The following APOBR variants were observed in gnomAD, a reference collection of about 807,000 sequenced individuals.
The protein encoded by APOBR is apoB-48R.
A neutral mutation model predicts 88.5 loss-of-function variants in APOBR; 57 were observed. The ratio of observed to expected loss-of-function variants is 0.64; its 90% CI spans 0.52 to 0.80. The LOEUF (loss-of-function observed/expected upper bound fraction) is 0.80, where lower values mean the gene tolerates loss of function less well. APOBR is among the 30% of genes least tolerant of loss of function. The pLI is 0.00. For synonymous variants in APOBR, 588 were observed against 572.7 expected (o/e 1.03, Z -0.38); for missense variants, 1,443 against 1,401.6 (o/e 1.03, Z -0.47).
chr16:28,498,515 G>C lies in APOBR; in HGVS notation c.*10G>C. On this transcript the variant is annotated 3_prime_UTR_variant, in exon 4 of 4. Transcript: ENST00000564831. ...GCCTAAGCCCCAGTGACTGAGACCC[G>C]GTGCTCTGGGAGCCAGGCCCTGAGT... The C allele has an allele frequency of 1.9e-6, 3 of 1,583,872 alleles. No individual in the cohort carries two copies. Among genetic ancestry groups the C allele is most frequent in the South Asian group, 2.3e-5 (2 of 86,712 alleles).
At position 28,498,415 on chromosome 16, in the gene APOBR, G is replaced by C. The variant is rs750729706; in HGVS notation, c.3225-21G>C. 1.9e-6 allele frequency: 3 copies of C among 1,599,380 alleles called. No individual in the cohort carries two copies. The East Asian group carries it at 6.8e-5, about 36-fold the overall frequency. ...CGGGCACCTGGGAACCTGTTCTCAC[G>C]GGCCTGACTTCCGCCTCCAGGTTTG... is the stretch of plus-strand genomic sequence containing the variant. On this transcript the variant is annotated intron_variant, in intron 3 of 3. Coordinates refer to ENST00000564831, the MANE Select transcript of APOBR (RefSeq NM_018690.4).
In APOBR at chr16:28,497,820, G is replaced by C. The variant is rs768014858; in HGVS notation, c.2779G>C (p.Gly927Arg). ...LDAEGLMVTG[G>R]RRAEAKETEP... is the part of the protein sequence containing the mutation. Reference sequence around the variant, plus strand: ...TGCAGAGGGTCTCATGGTGACCGGGGGCCGGAGGGCAGAGGCCAAGGAGAC... The same window carrying C: ...TGCAGAGGGTCTCATGGTGACCGGGCGCCGGAGGGCAGAGGCCAAGGAGAC... The change falls in exon 2 of 4, where the codon GGC becomes CGC. Residue 927 changes from glycine (G) to arginine (R), a missense_variant. Transcript: ENST00000564831. 1.2e-6 allele frequency: 2 copies of C among 1,607,420 alleles called. No homozygotes were observed. Among genetic ancestry groups the C allele is most frequent in the Non-Finnish European group, 1.7e-6 (2 of 1,177,224 alleles).
At position 28,496,391 on chromosome 16, in the gene APOBR, G is replaced by A. The variant is rs1208349058; in HGVS notation, c.1350G>A (p.Val450=). 7 of 1,609,054 alleles carry A rather than the reference G, an allele frequency of 4.4e-6. No homozygotes were observed. The highest frequency in any genetic ancestry group is 5.9e-6 in the Non-Finnish European group (7 of 1,177,706). ...AESQTAGREA[V]GGQEAGESFE... ...GCCAGACCGCAGGGAGGGAAGCTGT[G>A]GGAGGCCAGGAGGCAGGGGAGAGCT... The change falls in exon 2 of 4, where the codon GTG becomes GTA. Residue 450 remains valine, a synonymous_variant. Transcript: ENST00000564831.
Position 28,497,099 on chromosome 16 carries a change from G to A in APOBR, c.2058G>A (p.Ala686=), listed in dbSNP as rs376612232. 2.6e-5 allele frequency: 42 copies of A among 1,601,312 alleles called. No individual in the cohort carries two copies. In the East Asian group the frequency reaches 3.1e-4, roughly 12 times the overall value. ...AGGEGLTTQD[A]GCGTEEGEAS... ...GGGAGGGGCTGACAACCCAGGACGC[G>A]GGATGTGGAACTGAGGAGGGAGAGG... is the stretch of plus-strand genomic sequence containing the variant. The change falls in exon 2 of 4, where the codon GCG becomes GCA. Residue 686 remains alanine (A), a synonymous_variant. Transcript: ENST00000564831.
rs905035735 is a variant in APOBR, at chr16:28,498,074, C to G, written c.2956-7C>G. ...CCCCATGGTCCTCTGTGCCCCCTTT[C>G]CTGCAGGCCCCGCTCCCCGGGTCCC... On this transcript the variant is annotated splice_polypyrimidine_tract_variant and splice_region_variant and intron_variant, in intron 2 of 3. Transcript: ENST00000564831. 1 of 1,543,016 alleles carries G rather than the reference C, an allele frequency of 6.5e-7. No homozygotes were observed. Among genetic ancestry groups the G allele is most frequent in the Non-Finnish European group, 8.7e-7 (1 of 1,150,934 alleles).
At position 28,498,872 on chromosome 16, in the gene APOBR, C is replaced by A; in HGVS notation, c.*367C>A. 1 of 568,562 alleles carries A rather than the reference C, an allele frequency of 1.8e-6. No homozygotes were observed. Among genetic ancestry groups the A allele is most frequent in the Non-Finnish European group, 3.3e-6 (1 of 304,796 alleles). 35.2% of individuals were successfully genotyped at this position (568,562 alleles called of 1,614,324 possible). On this transcript the variant is annotated 3_prime_UTR_variant, in exon 4 of 4. Transcript: ENST00000564831. ...CCAAGGTGGGAGGATCGCTTGAGAC[C>A]AGGAGTTCGAGACCAGCCTGGGCAG...
rs1256363562 is a variant in APOBR, at chr16:28,498,159, C to T, written c.3034C>T (p.Arg1012Cys). 7 of 1,600,572 alleles carry T rather than the reference C, an allele frequency of 4.4e-6. No individual in the cohort carries two copies. Among genetic ancestry groups the T allele is most frequent in the Middle Eastern group, 1.7e-4 (1 of 6,054 alleles). ...VHLSRSSSQR[R>C]SRPSFRRTPA... is the part of the protein sequence containing the mutation. ...CCTCTCGAGAAGCTCCTCACAGCGTCGCTCCCGGCCCTCTTTTCGTCGGAC... is the reference window on the plus strand; with the variant it reads ...CCTCTCGAGAAGCTCCTCACAGCGTTGCTCCCGGCCCTCTTTTCGTCGGAC... Residue 1012 changes from arginine (R) to cysteine (C), a missense_variant, in exon 3 of 4, where the codon CGC (arginine) becomes TGC (cysteine). Arg to Cys is a radical substitution (Grantham distance 180). Transcript: ENST00000564831.
In APOBR at chr16:28,497,249, C is replaced by A; in HGVS notation, c.2208C>A (p.Ser736=). The change falls in exon 2 of 4, where the codon TCC becomes TCA. Residue 736 remains serine, a synonymous_variant. Coordinates refer to ENST00000564831, the MANE Select transcript of APOBR (RefSeq NM_018690.4). Reference sequence around the variant, plus strand: ...AGGAGGCGGAGGCTGACAGAACATCCAGAAGAGGCTGGAGGCTGCAAGCGG... The same window carrying A: ...AGGAGGCGGAGGCTGACAGAACATCAAGAAGAGGCTGGAGGCTGCAAGCGG... ...EDEEAEADRT[S]RRGWRLQAVA... is the part of the protein sequence containing the mutation. 1 of 1,591,564 alleles carries A rather than the reference C, an allele frequency of 6.3e-7. No homozygotes were observed.
rs2046407906 is a variant in APOBR at position 28,498,087 on chromosome 16, C to T, written c.2962C>T (p.Leu988Phe). 2.6e-6 allele frequency: 4 copies of T among 1,547,886 alleles called. No individual in the cohort carries two copies. The highest frequency in any genetic ancestry group is 3.5e-6 in the Non-Finnish European group (4 of 1,152,970). ...TGTGCCCCCTTTCCTGCAGGCCCCGCTCCCCGGGTCCCTCCTAGACGTCTC... is the reference window on the plus strand; with the variant it reads ...TGTGCCCCCTTTCCTGCAGGCCCCGTTCCCCGGGTCCCTCCTAGACGTCTC... ...GAANSWSEAPLPGSLLDVSVP... is the reference protein window; with the variant it reads ...GAANSWSEAPFPGSLLDVSVP... Residue 988 changes from leucine to phenylalanine, a missense_variant, in exon 3 of 4, where the codon CTC becomes TTC. Transcript: ENST00000564831.
chr16:28,496,657 C>A lies in APOBR; in HGVS notation c.1616C>A (p.Ala539Glu). 1 of 1,601,904 alleles carries A rather than the reference C, an allele frequency of 6.2e-7. No individual in the cohort carries two copies. ...GAGCTCACAGGGGAGGAGAGTGAGG[C>A]GGCCCAGACTAGCTGTGGCCTACTG... ...EEELTGEESE[A>E]AQTSCGLLGV... Residue 539 changes from alanine (A) to glutamate (E), a missense_variant, in exon 2 of 4, where the codon GCG (alanine) becomes GAG (glutamate). Transcript: ENST00000564831.
Position 28,495,642 on chromosome 16 carries a change from A to C in APOBR, c.601A>C (p.Thr201Pro), listed in dbSNP as rs1206171682. 1.3e-6 allele frequency: 2 copies of C among 1,553,944 alleles called. No individual in the cohort carries two copies. The highest frequency in any genetic ancestry group is 1.7e-6 in the Non-Finnish European group (2 of 1,148,290). ...GMARGAESEW[T>P]WHGETEGKAG... ...GGCCAGAGGGGCGGAGTCAGAGTGG[A>C]CCTGGCATGGGGAGACGGAGGGGAA... The change falls in exon 2 of 4, where the codon ACC becomes CCC. Residue 201 changes from threonine (T) to proline (P), a missense_variant. Thr to Pro is a conservative substitution (Grantham distance 38). Transcript: ENST00000564831.
intron 2 of APOBR, 33 bp from the exon 3 acceptor site, chr16:28,498,048 G>A: frequency 6.5e-7 from 1 of 1,546,162 alleles, no homozygotes; most frequent in South Asian, 1.2e-5. Context: ...CCCGAAGCCG[G>A]CCCCATGGTC....
chr16:28,496,887 G>A lies in APOBR; in HGVS notation c.1846G>A (p.Ala616Thr). ...PRHAGSVKPE[A>T]SEAFPGAWEN... ...GCACGCGGGGTCTGTAAAGCCTGAGGCCTCCGAGGCCTTCCCAGGAGCCTG... is the reference window on the plus strand; with the variant it reads ...GCACGCGGGGTCTGTAAAGCCTGAGACCTCCGAGGCCTTCCCAGGAGCCTG... Residue 616 changes from alanine (A) to threonine (T), a missense_variant, in exon 2 of 4, where the codon GCC (alanine) becomes ACC (threonine). Transcript: ENST00000564831. 1 of 1,560,088 alleles carries A rather than the reference G, an allele frequency of 6.4e-7. No homozygotes were observed. The highest frequency in any genetic ancestry group is 8.7e-7 in the Non-Finnish European group (1 of 1,152,288).
chr16:28,496,888 C>A lies in APOBR; in HGVS notation c.1847C>A (p.Ala616Asp). The change falls in exon 2 of 4, where the codon GCC (alanine) becomes GAC (aspartate). Residue 616 changes from alanine (A) to aspartate (D), a missense_variant. Coordinates refer to ENST00000564831, the MANE Select transcript of APOBR (RefSeq NM_018690.4). ...CACGCGGGGTCTGTAAAGCCTGAGG[C>A]CTCCGAGGCCTTCCCAGGAGCCTGG... Reference protein sequence around the residue: ...PRHAGSVKPEASEAFPGAWEN... With the variant: ...PRHAGSVKPEDSEAFPGAWEN... The A allele has an allele frequency of 6.4e-7, 1 of 1,560,242 alleles. No individual in the cohort carries two copies. The highest frequency in any genetic ancestry group is 2.4e-5 in the East Asian group (1 of 41,836).
Position 28,497,037 on chromosome 16 carries a change from C to T in APOBR, c.1996C>T (p.Arg666Ter), listed in dbSNP as rs1049441297. ...QTLAAEAEGD[R>*]ESELSEVPEA... ...CCTGGCGGCTGAGGCTGAAGGAGAC[C>T]GAGAGTCTGAACTATCAGAAGTCCC... The change falls in exon 2 of 4, where the codon CGA becomes TGA. Residue 666 changes from arginine (R) to a stop codon, truncating the protein, a stop_gained. Coordinates refer to ENST00000564831, the MANE Select transcript of APOBR (RefSeq NM_018690.4). LOFTEE classifies it high-confidence loss of function. The T allele has an allele frequency of 1.2e-5, 19 of 1,584,412 alleles. No individual in the cohort carries two copies. Among genetic ancestry groups the T allele is most frequent in the African/African-American group, 6.7e-5 (5 of 74,322 alleles).
Position 28,496,611 on chromosome 16 carries a change from C to A in APOBR, c.1570C>A (p.Pro524Thr). ...AEGTADLEAT[P>T]EARPEEELTG... ...AGGCACTGCCGACTTGGAGGCAACT[C>A]CAGAGGCCAGGCCTGAGGAGGAGCT... The change falls in exon 2 of 4, where the codon CCA becomes ACA. Residue 524 changes from proline to threonine, a missense_variant. Pro to Thr is a conservative substitution (Grantham distance 38). Transcript: ENST00000564831. The A allele has an allele frequency of 6.3e-7, 1 of 1,577,570 alleles. No homozygotes were observed.
Position 28,497,012 on chromosome 16 carries a change from C to A in APOBR, c.1971C>A (p.Thr657=). The change falls in exon 2 of 4, where the codon ACC becomes ACA. Residue 657 remains threonine (T), a synonymous_variant. Coordinates refer to ENST00000564831, the MANE Select transcript of APOBR (RefSeq NM_018690.4). ...REEEETAGGQ[T]LAAEAEGDRE... is the part of the protein sequence containing the mutation. ...AGGAGGAGACTGCGGGAGGCCAGAC[C>A]CTGGCGGCTGAGGCTGAAGGAGACC... The A allele has an allele frequency of 6.3e-7, 1 of 1,574,930 alleles. No homozygotes were observed. The highest frequency in any genetic ancestry group is 8.6e-7 in the Non-Finnish European group (1 of 1,160,962).
In APOBR at chr16:28,496,431, G is replaced by T. The variant is rs776216163; in HGVS notation, c.1390G>T (p.Asp464Tyr). ...EAGESFEGQV[D>Y]LRGKEAEMRQ... ...AGGGGAGAGCTTTGAGGGCCAGGTA[G>T]ACCTGCGTGGTAAGGAGGCTGAGAT... The change falls in exon 2 of 4, where the codon GAC (aspartate) becomes TAC (tyrosine). Residue 464 changes from aspartate to tyrosine, a missense_variant. Transcript: ENST00000564831. The T allele has an allele frequency of 1.9e-6, 3 of 1,612,510 alleles. No individual in the cohort carries two copies. In the South Asian group the frequency reaches 3.3e-5, roughly 18 times the overall value.
chr16:28,497,874 G>A lies in APOBR; in HGVS notation c.2833G>A (p.Gly945Ser), dbSNP rs779842540. The change falls in exon 2 of 4, where the codon GGC becomes AGC. Residue 945 changes from glycine to serine, a missense_variant. By Grantham distance (56) the Gly-to-Ser change is moderately conservative. Coordinates refer to ENST00000564831, the MANE Select transcript of APOBR (RefSeq NM_018690.4). ...GCCAGAAAGCCTGGAACATGTCAGG[G>A]GCCAGGAGGAGCAGCCAACACACCA... The part of the protein sequence containing the change: ...TEPESLEHVR[G>S]QEEQPTHQAP... 1 of 1,612,708 alleles carries A rather than the reference G, an allele frequency of 6.2e-7. No individual in the cohort carries two copies.
Sources: gnomAD v4.1 joint callset for allele counts on GRCh38, gnomAD v4.1.1 for gene constraint, MANE v1.5 for transcripts, NCBI Gene and HGNC (gene_info 2026-07-23, HGNC 2026-07-21) for gene names.